Variants in ADGRL2 observed in about 807,000 individuals in gnomAD.
The protein encoded by ADGRL2 is calcium-independent alpha-latrotoxin receptor 2.
A neutral mutation model predicts 157.4 loss-of-function variants in ADGRL2; 44 were observed. The ratio of observed to expected loss-of-function variants is 0.28; its 90% CI spans 0.22 to 0.36. ADGRL2 has a LOEUF of 0.36. Among genes scored for constraint, ADGRL2 ranks in the 10% least tolerant of loss-of-function variants. ADGRL2 has a pLI of 1.00. For missense variants in ADGRL2, 1,510 were observed against 1,768.9 expected, an observed-to-expected ratio of 0.85 and a Z score of 2.63; for synonymous variants, 585 against 624.7, an observed-to-expected ratio of 0.94 and a Z score of 0.95.
chr1:81,306,747 C>T (rs1659362952), intron 1 of ADGRL2, among the ~76,000 whole-genome samples: 1 of 152,102 alleles, frequency 6.6e-6, no homozygotes, highest in Non-Finnish European at 1.5e-5. Flanking sequence ...TTAGAGTATC[C>T]ACTCTCTAAT....
At chr1:81,796,679 A>G (rs970351556), upstream of ADGRL2, among the ~76,000 whole-genome samples, 2 of 152,254 alleles carry the variant, frequency 1.3e-5, no homozygotes, top group Non-Finnish European at 2.9e-5. Flanking sequence ...GCACAGAAAA[A>G]GTCATGTTAC....
chr1:81,989,467 C>G (rs1263053926), intron 23 of ADGRL2, among the ~76,000 whole-genome samples: 1 of 152,024 alleles, frequency 6.6e-6, no homozygotes, highest in Non-Finnish European at 1.5e-5. Flanking sequence ...CCACTAGAAG[C>G]CTGGGGCCAT....
rs1019811246 is a variant in ADGRL2, at chr1:81,520,092, G to A, written c.-247-60784G>A. ...TGCTGGAGGCTGAAGCAGCCATTTTGGGATCATGAAGGGATTAGAAGCAAA... is the reference window on the plus strand; with the variant it reads ...TGCTGGAGGCTGAAGCAGCCATTTTAGGATCATGAAGGGATTAGAAGCAAA... On this transcript the variant is annotated intron_variant, in intron 2 of 24. Transcript: ENST00000370721. Among the ~76,000 whole-genome samples the A allele has an allele frequency of 2.0e-5, 3 of 152,182 alleles. No individual in the cohort carries two copies. The South Asian group carries it at 6.2e-4, about 32-fold the overall frequency.
intron 1 of ADGRL2, among the ~76,000 whole-genome samples, chr1:81,836,159 G>A (rs140646279): frequency 7.9e-5 from 12 of 152,186 alleles, no homozygotes; most frequent in South Asian, 2.1e-4. Context: ...CAGAAAGGGA[G>A]GGAAGAGTTC....
chr1:81,842,717 A>G (rs979454692), intron 2 of ADGRL2, among the ~76,000 whole-genome samples: 2 of 152,068 alleles, frequency 1.3e-5, no homozygotes, highest in African/African-American at 4.8e-5. Context: ...ACCAAATTGG[A>G]AAAAAACGTA....
At chr1:81,516,149 A>G (rs1274565468) in intron 2 of ADGRL2, among the ~76,000 whole-genome samples, 3 of 152,244 alleles carry the variant, frequency 2.0e-5, no homozygotes, top group African/African-American at 7.2e-5. Flanking sequence ...TTTTCCTTAG[A>G]ATAAATGCCC....
chr1:81,717,319 A>G (rs2084152079), intron 1 of ADGRL2, among the ~76,000 whole-genome samples: 1 of 152,202 alleles, frequency 6.6e-6, no homozygotes, highest in African/African-American at 2.4e-5. Context: ...AAAGAGGCAC[A>G]GCATGGCTCC....
chr1:81,790,114 T>C (rs1157083015), intron 2 of ADGRL2, among the ~76,000 whole-genome samples: 2 of 152,196 alleles, frequency 1.3e-5, no homozygotes, highest in Non-Finnish European at 2.9e-5. Context: ...CTCATCTAAG[T>C]TGTTGGGACA....
intron 2 of ADGRL2, among the ~76,000 whole-genome samples, chr1:81,577,710 A>G (rs974766981): frequency 6.6e-6 from 1 of 152,162 alleles, no homozygotes; most frequent in East Asian, 1.9e-4. Context: ...AATATTTCCC[A>G]TAGTTTCAAA....
chr1:81,482,959 C>A (rs1023216052), intron 2 of ADGRL2, among the ~76,000 whole-genome samples: 1 of 152,026 alleles, frequency 6.6e-6, no homozygotes, highest in Non-Finnish European at 1.5e-5. Context: ...CATGACTACT[C>A]TTACTCTCTC....
At chr1:81,980,828 G>A (rs774098179) in intron 18 of ADGRL2, 3 of 712,366 alleles carry the variant, frequency 4.2e-6, no homozygotes, top group South Asian at 1.6e-5. Flanking sequence ...ACTATAATAC[G>A]GACTTACCTG....
At chr1:81,411,779 CT>C (rs1363728845) in intron 1 of ADGRL2, among the ~76,000 whole-genome samples, 2 of 151,328 alleles carry the variant, frequency 1.3e-5, no homozygotes, top group Admixed American at 1.3e-4. Flanking sequence ...ACTCGGGAAG[CT>C]GAGGCAGGAG....
At chr1:81,407,028 C>T (rs573657882) in intron 1 of ADGRL2, among the ~76,000 whole-genome samples, 7 of 152,244 alleles carry the variant, frequency 4.6e-5, no homozygotes, top group Non-Finnish European at 5.9e-5. Flanking sequence ...CCTTATTCCT[C>T]GTCTGGTGTC....
At chr1:81,715,237 C>T (rs2084071842) in intron 1 of ADGRL2, among the ~76,000 whole-genome samples, 2 of 150,690 alleles carry the variant, frequency 1.3e-5, no homozygotes, top group South Asian at 4.2e-4. Context: ...ACAGGCCACT[C>T]AAATGTACAG....
At chr1:81,509,804 T>C (rs1292318455) in intron 2 of ADGRL2, among the ~76,000 whole-genome samples, 1 of 152,192 alleles carries the variant, frequency 6.6e-6, no homozygotes, top group Non-Finnish European at 1.5e-5. Flanking sequence ...CAGCCATTTC[T>C]TGTGTGCAAA....
chr1:81,499,827 T>C (rs60828566), intron 2 of ADGRL2, among the ~76,000 whole-genome samples: 10,767 of 152,296 alleles, frequency 0.071, 440 homozygotes, highest in Admixed American at 0.096. Flanking sequence ...ATTATTCTTA[T>C]GACAGTAGGT....
intron 2 of ADGRL2, among the ~76,000 whole-genome samples, chr1:81,790,475 A>G (rs917466445): frequency 9.2e-5 from 14 of 152,338 alleles, no homozygotes; most frequent in African/African-American, 3.4e-4. Context: ...CTACAAAAAT[A>G]TTTCAATTAA....
At chr1:81,384,803 A>T (rs1430685394) in intron 1 of ADGRL2, among the ~76,000 whole-genome samples, 1 of 152,162 alleles carries the variant, frequency 6.6e-6, no homozygotes, top group Admixed American at 6.5e-5. Context: ...CCATTTCATT[A>T]TGTAGCTGGT....
intron 1 of ADGRL2, chr1:81,722,918 G>T (rs1346947549): frequency 1.5e-5 from 11 of 737,966 alleles, no homozygotes; most frequent in Non-Finnish European, 2.7e-5. Flanking sequence ...AATTCTTAGT[G>T]ATCTAGAGGT....
Sources: gnomAD v4.1 joint callset for allele counts (sites outside exome capture counted in the v4.1 genomes callset) on GRCh38, gnomAD v4.1.1 for gene constraint, MANE v1.5 for transcripts, NCBI Gene and HGNC (gene_info 2026-07-23, HGNC 2026-07-21) for gene names.